CD28: variants seen among roughly 807,000 people sequenced by gnomAD.
The protein encoded by CD28 is T-cell-specific surface glycoprotein CD28.
In CD28, 8 loss-of-function variants were observed where a neutral mutation model predicts 21.4. The ratio of observed to expected loss-of-function variants is 0.37; its 90% CI spans 0.22 to 0.68. The LOEUF (loss-of-function observed/expected upper bound fraction) is 0.68, where lower values mean the gene tolerates loss of function less well. Ranked by LOEUF, CD28 falls within the 30% of genes least tolerant of loss-of-function variation. The pLI, the probability that CD28 is intolerant of heterozygous loss-of-function variation, is 0.55. For missense variants in CD28, 239 were observed against 272.2 expected (o/e 0.88, Z 0.86); for synonymous variants, 106 against 104.0 (o/e 1.02, Z -0.12).
rs910759207 is a variant in CD28 at position 203,734,946 on chromosome 2, A to G, written c.*34A>G. 8 of 1,608,464 alleles carry G rather than the reference A, an allele frequency of 5.0e-6. No individual in the cohort carries two copies. The highest frequency in any genetic ancestry group is 1.7e-5 in the Admixed American group (1 of 59,568). On this transcript the variant is annotated 3_prime_UTR_variant, in exon 4 of 4. Transcript: ENST00000324106. ...CCTATCCAGAAGCCAGCCGGCTGGC[A>G]GCCCCCATCTGCTCAATATCACTGC...
chr2:203,712,252 T>C (rs1693335820), intron 1 of CD28, among the ~76,000 whole-genome samples: 1 of 152,124 alleles, frequency 6.6e-6, no homozygotes, highest in Admixed American at 6.5e-5. Context: ...TACAAGTAAT[T>C]AGGTAGTTAA....
intron 1 of CD28, among the ~76,000 whole-genome samples, chr2:203,713,788 GTGACTTAAGTATGTT>G (rs1174790370): frequency 6.6e-6 from 1 of 151,914 alleles, no homozygotes; most frequent in Non-Finnish European, 1.5e-5. Context: ...AAATGGCTGA[GTGACTTAAGTATGTT>G]TGACATGTGG....
rs945918559 is a variant in CD28, at chr2:203,738,236, C to G, written c.*3324C>G. ...CTAACTGAGCCACCGGTCCTCATGG[C>G]TATTTTAATGAGGGTATTGATGGTT... On this transcript the variant is annotated 3_prime_UTR_variant, in exon 4 of 4. Transcript: ENST00000324106. 2 of 152,164 alleles carry G rather than the reference C, an allele frequency of 1.3e-5. No homozygotes were observed. Among genetic ancestry groups the G allele is most frequent in the African/African-American group, 4.8e-5 (2 of 41,434 alleles). The allele number at this position is 152,164 out of a possible 1,614,324, so 9.4% of individuals were successfully genotyped here.
chr2:203,730,375 G>T (rs900153684), intron 3 of CD28, among the ~76,000 whole-genome samples: 11 of 152,146 alleles, frequency 7.2e-5, no homozygotes, highest in African/African-American at 2.7e-4. Context: ...ACTAACTTTT[G>T]CAAATGTTTA....
Position 203,710,157 on chromosome 2 carries a change from C to T in CD28, c.52+3409C>T, listed in dbSNP as rs565628268. ...GAATGTCAAAAAATCAACAGATTGC[C>T]GTATTTACATGACTTCCAATATGCT... On this transcript the variant is annotated intron_variant, in intron 1 of 3. Transcript: ENST00000324106. 6.6e-5 allele frequency among the ~76,000 whole-genome samples: 10 copies of T among 152,260 alleles called. No homozygotes were observed. The South Asian group carries it at 1.5e-3, about 22-fold the overall frequency.
chr2:203,735,017 C>T lies in CD28; in HGVS notation c.*105C>T. On this transcript the variant is annotated 3_prime_UTR_variant, in exon 4 of 4. Coordinates refer to ENST00000324106, the MANE Select transcript of CD28 (RefSeq NM_006139.4). ...CATCTCCAGCCGGCCACCTCAGGCC[C>T]CTGTTGGGCCACCAATGCCAATTTT... is the stretch of plus-strand genomic sequence containing the variant. 3 of 1,406,918 alleles carry T rather than the reference C, an allele frequency of 2.1e-6. No individual in the cohort carries two copies. The highest frequency in any genetic ancestry group is 2.3e-5 in the East Asian group (1 of 43,114). 87.2% of individuals were successfully genotyped at this position (1,406,918 alleles called of 1,614,324 possible). A position where few individuals can be genotyped will look rare whatever the true frequency, so the allele number is the denominator to read the frequency against.
At position 203,737,009 on chromosome 2, in the gene CD28, C is replaced by T. The variant is rs779408058; in HGVS notation, c.*2097C>T. ...TTGTAACACAAATTTAAACCCACTA[C>T]GCAGGGATGAGGTGCTATAATATGA... On this transcript the variant is annotated 3_prime_UTR_variant, in exon 4 of 4. Coordinates refer to ENST00000324106, the MANE Select transcript of CD28 (RefSeq NM_006139.4). 3.9e-5 allele frequency: 6 copies of T among 152,170 alleles called. No homozygotes were observed. Among genetic ancestry groups the T allele is most frequent in the South Asian group, 2.1e-4 (1 of 4,822 alleles). The allele number at this position is 152,170 out of a possible 1,614,324, so 9.4% of individuals were successfully genotyped here.
rs1693840185 is a variant in CD28 at position 203,729,753 on chromosome 2, T to C, written c.515T>C (p.Val172Ala). The C allele has an allele frequency of 1.9e-6, 3 of 1,613,818 alleles. No homozygotes were observed. The highest frequency in any genetic ancestry group is 1.7e-5 in the Admixed American group (1 of 59,972). ...VLACYSLLVTVAFIIFWVRSK... is the reference protein window; with the variant it reads ...VLACYSLLVTAAFIIFWVRSK... ...GCTTGCTATAGCTTGCTAGTAACAG[T>C]GGCCTTTATTATTTTCTGGGTAAGA... The change falls in exon 3 of 4, where the codon GTG becomes GCG. Residue 172 changes from valine (V) to alanine (A), a missense_variant. By Grantham distance (64) the Val-to-Ala change is moderately conservative. Around this residue, in one of 3 missense-constraint regions of CD28, gnomAD observed 112 missense variants for 112.8 expected, o/e 0.99. Coordinates refer to ENST00000324106, the MANE Select transcript of CD28 (RefSeq NM_006139.4).
intron 1 of CD28, among the ~76,000 whole-genome samples, chr2:203,715,801 A>T (rs910109176): frequency 1.9e-4 from 29 of 151,958 alleles, no homozygotes; most frequent in African/African-American, 6.8e-4. Flanking sequence ...CAGTGCGTGA[A>T]CTCTGGGTCG....
chr2:203,734,743 A>G (rs1284156178), intron 3 of CD28, 41 bp from the exon 4 acceptor site: 3 of 1,612,370 alleles, frequency 1.9e-6, no homozygotes, highest in Non-Finnish European at 1.7e-6. Context: ...AACTCCTTCC[A>G]TGACATTGTC....
intron 1 of CD28, among the ~76,000 whole-genome samples, chr2:203,707,174 C>T (rs1194441204): frequency 6.6e-6 from 1 of 151,766 alleles, no homozygotes; most frequent in East Asian, 1.9e-4. Flanking sequence ...TCGTTTCTTT[C>T]TTTCTTTCTT....
At chr2:203,706,534 G>T, upstream of CD28, 1 of 1,556,012 alleles carries the variant, frequency 6.4e-7, no homozygotes, top group Non-Finnish European at 8.7e-7. Context: ...ATGCCTTGTG[G>T]TTTGAGTGCC....
At chr2:203,723,634 G>A (rs1038482099) in intron 1 of CD28, among the ~76,000 whole-genome samples, 7 of 152,162 alleles carry the variant, frequency 4.6e-5, no homozygotes, top group Admixed American at 1.3e-4. Context: ...ATAAGCACAT[G>A]AAAAGATGCT....
chr2:203,724,952 C>T (rs762851071), intron 1 of CD28, among the ~76,000 whole-genome samples: 1 of 152,070 alleles, frequency 6.6e-6, no homozygotes, highest in Non-Finnish European at 1.5e-5. Context: ...CTTTTGTTTG[C>T]ATTGAAATTT....
chr2:203,721,810 G>C (rs1693612579), intron 1 of CD28, among the ~76,000 whole-genome samples: 1 of 152,128 alleles, frequency 6.6e-6, no homozygotes, highest in Admixed American at 6.5e-5. Context: ...GGAATTGAGT[G>C]GCATTCATTT....
chr2:203,732,219 G>A (rs1376671827), intron 3 of CD28, among the ~76,000 whole-genome samples: 1 of 152,150 alleles, frequency 6.6e-6, no homozygotes, highest in Non-Finnish European at 1.5e-5. Context: ...GCTACTGTAG[G>A]CAGTTCTGGG....
In CD28 at chr2:203,735,022, T is replaced by C; in HGVS notation, c.*110T>C. The C allele has an allele frequency of 7.3e-7, 1 of 1,373,088 alleles. No homozygotes were observed. The highest frequency in any genetic ancestry group is 2.3e-5 in the East Asian group (1 of 43,006). The allele number at this position is 1,373,088 out of a possible 1,614,324, so 85.1% of individuals were successfully genotyped here. On this transcript the variant is annotated 3_prime_UTR_variant, in exon 4 of 4. Coordinates refer to ENST00000324106, the MANE Select transcript of CD28 (RefSeq NM_006139.4). ...CCAGCCGGCCACCTCAGGCCCCTGT[T>C]GGGCCACCAATGCCAATTTTTCTCG... is the stretch of plus-strand genomic sequence containing the variant.
chr2:203,728,873 A>C (rs1348455855), intron 2 of CD28, among the ~76,000 whole-genome samples: 1 of 152,214 alleles, frequency 6.6e-6, no homozygotes, highest in African/African-American at 2.4e-5. Context: ...TTTCAATCCT[A>C]TCTGTATATT....
rs1693993941 is a variant in CD28 at position 203,734,992 on chromosome 2, C to T, written c.*80C>T. On this transcript the variant is annotated 3_prime_UTR_variant, in exon 4 of 4. Coordinates refer to ENST00000324106, the MANE Select transcript of CD28 (RefSeq NM_006139.4). ...ACTGCTCTGGATAGGAAATGACCGC[C>T]ATCTCCAGCCGGCCACCTCAGGCCC... 2.0e-6 allele frequency: 3 copies of T among 1,532,286 alleles called. No homozygotes were observed. The highest frequency in any genetic ancestry group is 2.6e-6 in the Non-Finnish European group (3 of 1,135,672). The allele number at this position is 1,532,286 out of a possible 1,614,324, so 94.9% of individuals were successfully genotyped here. A position where few individuals can be genotyped will look rare whatever the true frequency, so the allele number is the denominator to read the frequency against.
Sources: allele counts gnomAD v4.1 joint callset (sites outside exome capture counted in the v4.1 genomes callset), GRCh38; gene constraint gnomAD v4.1.1; regional missense constraint gnomAD v4.1.1; transcripts MANE v1.5; gene names NCBI Gene and HGNC (gene_info 2026-07-23, HGNC 2026-07-21).